GFM2: variants seen among roughly 807,000 people sequenced by gnomAD.
GFM2 encodes the protein GTP dependent ribosome recycling factor mitochondrial 2, also known as ribosome-releasing factor 2, mitochondrial.
Under a neutral mutation model 95.4 loss-of-function variants are expected in GFM2, and 72 were observed. That is an observed-to-expected ratio of 0.76 (90% CI 0.62 to 0.92). The LOEUF is 0.92. GFM2 is among the 40% of genes least tolerant of loss of function. GFM2 has a pLI of 0.00. For missense variants in GFM2, 825 were observed against 924.1 expected, an observed-to-expected ratio of 0.89 and a Z score of 1.39; for synonymous variants, 276 against 317.5, an observed-to-expected ratio of 0.87 and a Z score of 1.39.
At chr5:74,765,032 C>T (rs560389900) in intron 1 of GFM2, 1 of 738,244 alleles carries the variant, frequency 1.4e-6, no homozygotes, top group South Asian at 1.7e-5. Context: ...GTGATCTACC[C>T]ACCTCGGCCT....
chr5:74,749,653 T>A (rs1181313663), intron 7 of GFM2, among the ~76,000 whole-genome samples: 1 of 152,192 alleles, frequency 6.6e-6, no homozygotes, highest in East Asian at 1.9e-4. Context: ...CCAAGAACAA[T>A]CATATTCTCT....
chr5:74,722,309 G>T, intron 20 of GFM2, 70 bp downstream of exon 20: 3 of 1,181,182 alleles, frequency 2.5e-6, no homozygotes, highest in Non-Finnish European at 3.7e-6. Context: ...GTTACTGATT[G>T]TCTATTCATT....
intron 8 of GFM2, 124 bp from the exon 9 acceptor site, chr5:74,746,289 T>C (rs1743382463): frequency 2.0e-6 from 1 of 505,028 alleles, no homozygotes; most frequent in Non-Finnish European, 3.4e-6. Context: ...ACTCACTTTA[T>C]TCTCCTTAAC....
chr5:74,731,142 A>C (rs1742542005), intron 16 of GFM2, among the ~76,000 whole-genome samples: 1 of 152,170 alleles, frequency 6.6e-6, no homozygotes, highest in Non-Finnish European at 1.5e-5. Flanking sequence ...AAATGTAGGC[A>C]ACTGTCATGA....
At chr5:74,761,376 G>T (rs573150827) in intron 2 of GFM2, among the ~76,000 whole-genome samples, 31 of 152,142 alleles carry the variant, frequency 2.0e-4, no homozygotes, top group Non-Finnish European at 2.9e-5. Flanking sequence ...TACAGATTGA[G>T]AACCACAACC....
At position 74,722,437 on chromosome 5, in the gene GFM2, AT is replaced by A. The variant is rs1184413889; in HGVS notation, c.2152del (p.Ile718PhefsTer16). On this transcript the variant is annotated frameshift_variant, in exon 20 of 21. Transcript: ENST00000296805. LOFTEE classifies it high-confidence loss of function. ...LAQRRGNIQEIQTRQDNKVVI... is the reference protein window; with the variant it reads ...LAQRRGNIQEXQTRQDNKVVI... ...AACTTTGTTGTCCTGGCGAGTCTGA[AT>A]TTCCTGAATGTTTCCTCTTCTTTGT... 3 of 1,614,008 alleles carry A rather than the reference AT, an allele frequency of 1.9e-6. No individual in the cohort carries two copies. Among genetic ancestry groups the A allele is most frequent in the Non-Finnish European group, 2.5e-6 (3 of 1,179,940 alleles).
chr5:74,742,843 A>G (rs1222506822), intron 10 of GFM2, among the ~76,000 whole-genome samples: 1 of 151,670 alleles, frequency 6.6e-6, no homozygotes, highest in Non-Finnish European at 1.5e-5. Context: ...ATTTTTTTGT[A>G]TTTTTAGTAG....
chr5:74,754,246 C>T (rs572014604), intron 5 of GFM2, among the ~76,000 whole-genome samples: 5 of 151,200 alleles, frequency 3.3e-5, no homozygotes, highest in African/African-American at 1.2e-4. Context: ...TCAAAATACA[C>T]CAAAATAGAA....
At position 74,725,943 on chromosome 5, in the gene GFM2, T is replaced by G. The variant is rs1404526231; in HGVS notation, c.1910A>C (p.Gln637Pro). ...TTACTCTCATTTGAGTGTCTTACCT[T>G]GGAGACATGCGCTGTGAATTCCATT... ...IENGIHSACL[Q>P]GPLLGSPIQD... Residue 637 changes from glutamine to proline, a missense_variant and splice_region_variant, in exon 18 of 21, where the codon CAA becomes CCA. Gln to Pro is a moderately conservative substitution (Grantham distance 76). Coordinates refer to ENST00000296805, the MANE Select transcript of GFM2 (RefSeq NM_032380.5). 6 of 1,608,264 alleles carry G rather than the reference T, an allele frequency of 3.7e-6. No individual in the cohort carries two copies. In the African/African-American group the frequency reaches 4.0e-5, roughly 11 times the overall value.
At position 74,760,182 on chromosome 5, in the gene GFM2, A is replaced by G. The variant is rs928046491; in HGVS notation, c.148+720T>C. 3.9e-5 allele frequency among the ~76,000 whole-genome samples: 6 copies of G among 152,168 alleles called. 1 individual carries two copies. Among genetic ancestry groups the G allele is most frequent in the Admixed American group, 3.9e-4 (6 of 15,274 alleles). On this transcript the variant is annotated intron_variant, in intron 3 of 20. Coordinates refer to ENST00000296805, the MANE Select transcript of GFM2 (RefSeq NM_032380.5). Reference sequence around the variant, plus strand: ...AATTTTATATTATTTTTGAAACTTCATGGTGGTTTGAAGATCAAAAGATAA... The same window carrying G: ...AATTTTATATTATTTTTGAAACTTCGTGGTGGTTTGAAGATCAAAAGATAA...
chr5:74,747,325 C>G (rs570597381), intron 8 of GFM2, among the ~76,000 whole-genome samples: 2 of 152,298 alleles, frequency 1.3e-5, no homozygotes, highest in South Asian at 2.1e-4. Flanking sequence ...AAACAGTTCT[C>G]TATTCTCTAT....
chr5:74,731,866 G>A (rs902026768), intron 16 of GFM2, among the ~76,000 whole-genome samples: 4 of 151,608 alleles, frequency 2.6e-5, no homozygotes. Flanking sequence ...TGGAGGAACA[G>A]AGAAACGGAC....
At chr5:74,745,909 A>T in intron 9 of GFM2, 52 bp from the exon 10 acceptor site, 1 of 1,407,186 alleles carries the variant, frequency 7.1e-7, no homozygotes, top group Non-Finnish European at 9.9e-7. Flanking sequence ...ACTGAAAACT[A>T]CAATGATGAC....
At chr5:74,732,128 ATTTTTTT>A (rs533165001) in intron 16 of GFM2, among the ~76,000 whole-genome samples, 28 of 85,426 alleles carry the variant, frequency 3.3e-4, no homozygotes, top group African/African-American at 5.2e-4. Flanking sequence ...CTAATTTTTA[ATTTTTTT>A]TTTTTTTTTT....
intron 9 of GFM2, 94 bp downstream of exon 9, chr5:74,746,011 C>A (rs1579998973): frequency 9.1e-7 from 1 of 1,104,824 alleles, no homozygotes; most frequent in Non-Finnish European, 1.3e-6. Flanking sequence ...CCAACTTCTT[C>A]AAAAATGATG....
chr5:74,755,651 T>C (rs772944329), intron 5 of GFM2, among the ~76,000 whole-genome samples: 1 of 152,090 alleles, frequency 6.6e-6, no homozygotes, highest in Non-Finnish European at 1.5e-5. Context: ...CCTGGAAATA[T>C]GCAATCCTCC....
At chr5:74,745,963 C>T in intron 9 of GFM2, 106 bp from the exon 10 acceptor site, 1 of 1,083,576 alleles carries the variant, frequency 9.2e-7, no homozygotes, top group East Asian at 2.4e-5. Context: ...TGTCTATTAT[C>T]ACCATTACTA....
intron 18 of GFM2, 54 bp from the exon 19 acceptor site, chr5:74,725,809 A>G: frequency 6.8e-7 from 1 of 1,469,194 alleles, no homozygotes; most frequent in Non-Finnish European, 9.5e-7. Context: ...AGTGAGAAGT[A>G]ACTGAGAAGT....
At position 74,722,448 on chromosome 5, in the gene GFM2, G is replaced by A. The variant is rs1379745223; in HGVS notation, c.2142C>T (p.Asn714=). ...CCTGGCGAGTCTGAATTTCCTGAAT[G>A]TTTCCTCTTCTTTGTGCCAGATCTG... The part of the protein sequence containing the change: ...VLADLAQRRG[N]IQEIQTRQDN... Residue 714 remains asparagine (N), a synonymous_variant, in exon 20 of 21, where the codon AAC becomes AAT. Coordinates refer to ENST00000296805, the MANE Select transcript of GFM2 (RefSeq NM_032380.5). The A allele has an allele frequency of 1.2e-6, 2 of 1,613,984 alleles. No individual in the cohort carries two copies. The highest frequency in any genetic ancestry group is 1.1e-5 in the South Asian group (1 of 91,078).
Sources: allele counts gnomAD v4.1 joint callset (sites outside exome capture counted in the v4.1 genomes callset), GRCh38; gene constraint gnomAD v4.1.1; transcripts MANE v1.5; gene names NCBI Gene and HGNC (gene_info 2026-07-23, HGNC 2026-07-21).